Variants in TXNDC12 observed in about 807,000 individuals in gnomAD.
TXNDC12 encodes thioredoxin domain containing 12, also known as thioredoxin domain-containing protein 12.
Under a neutral mutation model 24.2 loss-of-function variants are expected in TXNDC12, and 22 were observed. That is an observed-to-expected ratio of 0.91 (90% CI 0.65 to 1.30). The LOEUF is 1.30. Among genes scored for constraint, TXNDC12 ranks in the 50% most tolerant of loss-of-function variants. TXNDC12 has a pLI of 0.00. For missense variants in TXNDC12, 184 were observed against 205.8 expected (o/e 0.89, Z 0.65); for synonymous variants, 58 against 73.4 (o/e 0.79, Z 1.07).
At chr1:52,034,153 G>A in intron 2 of TXNDC12, 2 of 881,184 alleles carry the variant, frequency 2.3e-6, no homozygotes, top group Non-Finnish European at 1.5e-6. Context: ...TAAACCTACT[G>A]GCTCTCAGTA....
At chr1:52,037,359 T>A (rs1035364293) in intron 2 of TXNDC12, among the ~76,000 whole-genome samples, 3 of 152,054 alleles carry the variant, frequency 2.0e-5, no homozygotes, top group African/African-American at 7.2e-5. Flanking sequence ...ATTACAGGCA[T>A]GTGCCACCAC....
intron 2 of TXNDC12, among the ~76,000 whole-genome samples, chr1:52,039,765 C>T (rs1414516011): frequency 6.6e-6 from 1 of 152,160 alleles, no homozygotes; most frequent in African/African-American, 2.4e-5. Flanking sequence ...AGGAGGTGGC[C>T]ACAAAATTAT....
At chr1:52,047,519 G>A (rs1686121065) in intron 1 of TXNDC12, among the ~76,000 whole-genome samples, 1 of 152,162 alleles carries the variant, frequency 6.6e-6, no homozygotes, top group African/African-American at 2.4e-5. Flanking sequence ...AAAGAATAGT[G>A]AGCAAATAAA....
rs538712144 is a variant in TXNDC12 at position 52,053,436 on chromosome 1, G to A, written c.97+1564C>T. 4.6e-5 allele frequency among the ~76,000 whole-genome samples: 7 copies of A among 152,186 alleles called. No homozygotes were observed. In the East Asian group the frequency reaches 9.7e-4, roughly 21 times the overall value. ...TCCCAGCACTTTGGGAGGCCGAGGC[G>A]GGCAGATCATGAGGTCAGGAGTTTG... On this transcript the variant is annotated intron_variant, in intron 1 of 6. Coordinates refer to ENST00000371626, the MANE Select transcript of TXNDC12 (RefSeq NM_015913.4).
chr1:52,030,411 C>T (rs375343538), intron 2 of TXNDC12: 5 of 152,198 alleles, frequency 3.3e-5, no homozygotes, highest in African/African-American at 7.2e-5. Flanking sequence ...TTCTTTCTGA[C>T]GGTTACAGTC....
At chr1:52,044,548 A>G (rs1686052435) in intron 1 of TXNDC12, among the ~76,000 whole-genome samples, 1 of 152,224 alleles carries the variant, frequency 6.6e-6, no homozygotes, top group Admixed American at 6.5e-5. Flanking sequence ...CACAAGCAAC[A>G]AACAGATTTT....
chr1:52,044,133 C>G (rs1242369587), intron 1 of TXNDC12: 5 of 152,206 alleles, frequency 3.3e-5, no homozygotes, highest in East Asian at 1.9e-4. Flanking sequence ...CCCAACCAGA[C>G]AGTCTGAAGG....
rs749394552 is a variant in TXNDC12 at position 52,023,558 on chromosome 1, C to T, written c.372G>A (p.Val124=). The T allele has an allele frequency of 6.8e-6, 11 of 1,613,704 alleles. No homozygotes were observed. In the South Asian group the frequency reaches 1.1e-4, roughly 16 times the overall value. Residue 124 remains valine, a synonymous_variant, in exon 6 of 7, where the codon GTG becomes GTA. Transcript: ENST00000371626. The stretch of plus-strand genomic sequence containing the variant: ...CATTCTCATTGATGATTTCAGGATG[C>T]ACCTTGCCACTGGGATCTGTTATAG... The part of the protein sequence containing the change: ...RILFLDPSGK[V]HPEIINENGN...
intron 1 of TXNDC12, among the ~76,000 whole-genome samples, chr1:52,051,432 G>C (rs570867908): frequency 4.4e-4 from 67 of 152,190 alleles, no homozygotes; most frequent in Middle Eastern, 3.4e-3. Context: ...CTGGAGTGCA[G>C]TGGCACTATC....
At chr1:52,048,602 C>T (rs1270939219) in intron 1 of TXNDC12, among the ~76,000 whole-genome samples, 2 of 152,114 alleles carry the variant, frequency 1.3e-5, no homozygotes, top group Non-Finnish European at 2.9e-5. Context: ...CACAGTGGCT[C>T]ATGCCTGTAA....
intron 1 of TXNDC12, among the ~76,000 whole-genome samples, chr1:52,045,056 A>G (rs1213094754): frequency 6.6e-6 from 1 of 152,222 alleles, no homozygotes; most frequent in African/African-American, 2.4e-5. Flanking sequence ...GTTGAAATAC[A>G]AAGTGAATGA....
chr1:52,026,176 T>C (rs887433489), intron 4 of TXNDC12, among the ~76,000 whole-genome samples: 2 of 152,168 alleles, frequency 1.3e-5, no homozygotes, highest in Non-Finnish European at 2.9e-5. Context: ...GGTATCATCA[T>C]AGAGCATCTG....
chr1:52,034,872 T>A (rs552937700), intron 2 of TXNDC12, among the ~76,000 whole-genome samples: 153 of 152,260 alleles, frequency 1.0e-3, no homozygotes, highest in Non-Finnish European at 1.7e-3. Flanking sequence ...CAAGCGATTC[T>A]CCTGTCTCAG....
At chr1:52,027,677 G>C (rs1685689883) in intron 3 of TXNDC12, among the ~76,000 whole-genome samples, 1 of 151,564 alleles carries the variant, frequency 6.6e-6, no homozygotes, top group African/African-American at 2.4e-5. Context: ...AAAGACAATA[G>C]AGTGACAGTC....
Position 52,020,673 on chromosome 1 carries a change from A to G in TXNDC12, c.*260T>C. 2.2e-6 allele frequency: 1 copy of G among 454,460 alleles called. No individual in the cohort carries two copies. The highest frequency in any genetic ancestry group is 3.6e-5 in the East Asian group (1 of 27,622). 28.2% of individuals were successfully genotyped at this position (454,460 alleles called of 1,614,324 possible). A position where few individuals can be genotyped will look rare whatever the true frequency, so the allele number is the denominator to read the frequency against. On this transcript the variant is annotated 3_prime_UTR_variant, in exon 7 of 7. Transcript: ENST00000371626. ...CTCAAGTTTTGTGTCAGAAGGTTTC[A>G]TTCTTTACATTCAATGACAAGTTGA...
At position 52,024,536 on chromosome 1, in the gene TXNDC12, C is replaced by A. The variant is rs755034087; in HGVS notation, c.329G>T (p.Gly110Val). ...PKDEDFSPDG[G>V]YIPRILFLDP... ...CAGAAAAAGGATTCGTGGAATATAA[C>A]CCCCGTCAGGGCTGAAATCTTCATC... is the stretch of plus-strand genomic sequence containing the variant. Residue 110 changes from glycine to valine, a missense_variant, in exon 5 of 7, where the codon GGT becomes GTT. By Grantham distance (109) the Gly-to-Val change is moderately radical. Transcript: ENST00000371626. The A allele has an allele frequency of 1.2e-5, 20 of 1,612,824 alleles. No individual in the cohort carries two copies. Among genetic ancestry groups the A allele is most frequent in the Non-Finnish European group, 1.7e-5 (20 of 1,179,266 alleles).
intron 1 of TXNDC12, among the ~76,000 whole-genome samples, chr1:52,044,974 CAA>C (rs575220560): frequency 2.8e-5 from 3 of 105,880 alleles, no homozygotes; most frequent in African/African-American, 3.5e-5. Flanking sequence ...GACTCTGTCT[CAA>C]AAAAAAAAAA....
chr1:52,025,994 A>T (rs112709225), intron 4 of TXNDC12, among the ~76,000 whole-genome samples: 4 of 151,756 alleles, frequency 2.6e-5, no homozygotes, highest in African/African-American at 9.7e-5. Context: ...ACACCCAGCT[A>T]ATTTTTTTGT....
intron 1 of TXNDC12, among the ~76,000 whole-genome samples, chr1:52,042,984 T>C (rs1045065969): frequency 2.0e-5 from 3 of 152,186 alleles, no homozygotes; most frequent in African/African-American, 7.2e-5. Flanking sequence ...GGTCTCGAAC[T>C]CCTGAGCTCA....
Sources: gnomAD v4.1 joint callset for allele counts (sites outside exome capture counted in the v4.1 genomes callset) on GRCh38, gnomAD v4.1.1 for gene constraint, MANE v1.5 for transcripts, NCBI Gene and HGNC (gene_info 2026-07-23, HGNC 2026-07-21) for gene names.